KCNIP4: variants seen among roughly 807,000 people sequenced by gnomAD.
KCNIP4 encodes the protein Kv channel-interacting protein 4.
KCNIP4 carries 12 observed loss-of-function variants against 34.0 expected under a neutral mutation model. The observed-to-expected ratio is 0.35, with a 90% CI of 0.23 to 0.57. KCNIP4 has a LOEUF of 0.57. Among genes scored for constraint, KCNIP4 ranks in the 20% least tolerant of loss-of-function variants. KCNIP4 has a pLI of 0.83. For synonymous variants in KCNIP4, 124 were observed against 102.2 expected (o/e 1.21, Z -1.29); for missense variants, 238 against 311.7 (o/e 0.76, Z 1.78).
chr4:20,976,607 C>G (rs566396872), intron 1 of KCNIP4, among the ~76,000 whole-genome samples: 1 of 152,206 alleles, frequency 6.6e-6, no homozygotes. Flanking sequence ...TCTTCCCTCT[C>G]GCCTTATTCT....
At chr4:21,323,881 C>G (rs79233762) in intron 1 of KCNIP4, among the ~76,000 whole-genome samples, 2,431 of 152,058 alleles carry the variant, frequency 0.016, 55 homozygotes, top group African/African-American at 0.055. Context: ...TACTAGTGTT[C>G]CCTTTTCTCC....
intron 1 of KCNIP4, among the ~76,000 whole-genome samples, chr4:21,332,188 T>A (rs1245284192): frequency 6.6e-6 from 1 of 152,040 alleles, no homozygotes; most frequent in African/African-American, 2.4e-5. Flanking sequence ...ATATAACCTA[T>A]TCAGAAGCCC....
chr4:21,009,641 T>A (rs1317309240), intron 1 of KCNIP4, among the ~76,000 whole-genome samples: 1 of 152,238 alleles, frequency 6.6e-6, no homozygotes, highest in Non-Finnish European at 1.5e-5. Context: ...ATGTCTAATG[T>A]AATGCATTTT....
At chr4:21,287,226 G>A (rs186172012) in intron 1 of KCNIP4, among the ~76,000 whole-genome samples, 4 of 152,200 alleles carry the variant, frequency 2.6e-5, no homozygotes, top group Middle Eastern at 6.8e-3. Context: ...CTTCTGCATC[G>A]CCTGAAATGT....
intron 1 of KCNIP4, among the ~76,000 whole-genome samples, chr4:21,059,250 G>A (rs1000364873): frequency 3.3e-5 from 5 of 152,114 alleles, no homozygotes; most frequent in Admixed American, 6.6e-5. Flanking sequence ...AAAAATATCC[G>A]ACTTTTTCCT....
chr4:21,872,077 CA>C (rs1419576802), intron 1 of KCNIP4, among the ~76,000 whole-genome samples: 1 of 152,134 alleles, frequency 6.6e-6, no homozygotes, highest in East Asian at 1.9e-4. Context: ...GTAGATAGAA[CA>C]GAGAGCTTAA....
chr4:21,188,653 G>C (rs1403922290), intron 1 of KCNIP4, among the ~76,000 whole-genome samples: 5 of 152,174 alleles, frequency 3.3e-5, no homozygotes, highest in Non-Finnish European at 4.4e-5. Flanking sequence ...CTCTTTGAGA[G>C]ATGAACTCCC....
intron 1 of KCNIP4, among the ~76,000 whole-genome samples, chr4:21,114,309 G>A (rs1325073615): frequency 6.6e-6 from 1 of 152,018 alleles, no homozygotes; most frequent in Non-Finnish European, 1.5e-5. Context: ...ACACAAATTG[G>A]AACCAAGAAA....
intron 1 of KCNIP4, among the ~76,000 whole-genome samples, chr4:20,970,869 A>T (rs1734870719): frequency 6.6e-6 from 1 of 152,216 alleles, no homozygotes; most frequent in African/African-American, 2.4e-5. Context: ...GGCATTGAGG[A>T]TGGAAAGATA....
intron 1 of KCNIP4, among the ~76,000 whole-genome samples, chr4:21,049,553 A>G (rs190500132): frequency 1.3e-5 from 2 of 152,200 alleles, no homozygotes; most frequent in Non-Finnish European, 2.9e-5. Flanking sequence ...TCAATGTACA[A>G]GTGTTTCTAT....
At chr4:21,787,983 GA>G (rs5856669) in intron 1 of KCNIP4, among the ~76,000 whole-genome samples, 137,589 of 149,988 alleles carry the variant, frequency 0.92, 63,380 homozygotes, top group Non-Finnish European at 0.96. Context: ...TGAATAAAAA[GA>G]AAAAAAAAAA....
Position 20,825,240 on chromosome 4 carries a change from T to C in KCNIP4, c.288+25303A>G, listed in dbSNP as rs73802347. The stretch of plus-strand genomic sequence containing the variant: ...TCAATTTTACGTTTTTTTTTTTTTT[T>C]TTTTTTTTTGTAAGATCTGATGTTG... On this transcript the variant is annotated intron_variant, in intron 3 of 8. Transcript: ENST00000382152. Among the ~76,000 whole-genome samples, 630 of 150,250 alleles carry C rather than the reference T, an allele frequency of 4.2e-3. 13 individuals are homozygous for C. Among genetic ancestry groups the C allele is most frequent in the African/African-American group, 0.014 (575 of 40,624 alleles).
intron 1 of KCNIP4, among the ~76,000 whole-genome samples, chr4:21,059,847 A>G (rs1381600089): frequency 1.3e-5 from 2 of 152,106 alleles, no homozygotes; most frequent in East Asian, 1.9e-4. Context: ...ATTATACAAC[A>G]TGAGACACTG....
chr4:21,105,102 C>G (rs1325559753), intron 1 of KCNIP4, among the ~76,000 whole-genome samples: 1 of 151,376 alleles, frequency 6.6e-6, no homozygotes, highest in South Asian at 2.1e-4. Flanking sequence ...CCATATGAAC[C>G]TTAAAGTAGT....
intron 1 of KCNIP4, among the ~76,000 whole-genome samples, chr4:21,734,459 T>C (rs1476928490): frequency 6.6e-6 from 1 of 152,198 alleles, no homozygotes; most frequent in East Asian, 1.9e-4. Flanking sequence ...ATGGAAAATA[T>C]ATAAGATCTA....
At chr4:21,064,658 A>G (rs768395922) in intron 1 of KCNIP4, among the ~76,000 whole-genome samples, 4 of 152,198 alleles carry the variant, frequency 2.6e-5, no homozygotes, top group Non-Finnish European at 5.9e-5. Context: ...GAAATAAATA[A>G]GTGCTCAATA....
chr4:20,772,673 C>T lies in KCNIP4; in HGVS notation c.289-13783G>A, dbSNP rs1272716800. Among the ~76,000 whole-genome samples the T allele has an allele frequency of 2.6e-5, 4 of 151,494 alleles. No homozygotes were observed. The East Asian group carries it at 5.8e-4, about 22-fold the overall frequency. ...TCTTTTTTTTTTCTTCCGAGTTTCG[C>T]TCTTGTCTCCCAGGCTGGAATACAA... On this transcript the variant is annotated intron_variant, in intron 3 of 8. Coordinates refer to ENST00000382152, the MANE Select transcript of KCNIP4 (RefSeq NM_025221.6).
chr4:21,614,538 CT>C (rs998941200), intron 1 of KCNIP4, among the ~76,000 whole-genome samples: 7 of 147,294 alleles, frequency 4.8e-5, no homozygotes, highest in African/African-American at 1.7e-4. Flanking sequence ...AATATAGCTT[CT>C]ATTTAATGCA....
chr4:21,480,098 T>C (rs943663753), intron 1 of KCNIP4, among the ~76,000 whole-genome samples: 3 of 151,608 alleles, frequency 2.0e-5, no homozygotes, highest in African/African-American at 7.2e-5. Flanking sequence ...CTAAGAAGTT[T>C]AGAAAACCTA....
Sources: allele counts gnomAD v4.1 joint callset (sites outside exome capture counted in the v4.1 genomes callset), GRCh38; gene constraint gnomAD v4.1.1; transcripts MANE v1.5; gene names NCBI Gene and HGNC (gene_info 2026-07-23, HGNC 2026-07-21).